Variants in SKAP1 observed in about 807,000 individuals in gnomAD.
SKAP1 encodes the protein src kinase-associated phosphoprotein 1.
In SKAP1, 44 loss-of-function variants were observed where a neutral mutation model predicts 58.5. The ratio of observed to expected loss-of-function variants is 0.75; its 90% CI spans 0.59 to 0.97. The LOEUF (loss-of-function observed/expected upper bound fraction) is 0.97, where lower values mean the gene tolerates loss of function less well. SKAP1 is among the 50% of genes least tolerant of loss of function. The pLI is 0.00. For missense variants in SKAP1, 390 were observed against 435.2 expected (o/e 0.90, Z 0.92); for synonymous variants, 127 against 149.7 (o/e 0.85, Z 1.11).
intron 1 of SKAP1, among the ~76,000 whole-genome samples, chr17:48,426,224 A>G (rs1348912056): frequency 6.6e-6 from 1 of 152,264 alleles, no homozygotes; most frequent in Non-Finnish European, 1.5e-5. Flanking sequence ...CTTTACAAGG[A>G]AGTTTAAAAA....
At chr17:48,367,454 C>T (rs1482194650) in intron 2 of SKAP1, among the ~76,000 whole-genome samples, 2 of 148,254 alleles carry the variant, frequency 1.3e-5, no homozygotes, top group Non-Finnish European at 3.0e-5. Flanking sequence ...CCATGTAAGC[C>T]ATGTAAGGTG....
intron 4 of SKAP1, among the ~76,000 whole-genome samples, chr17:48,312,961 C>T (rs2066240780): frequency 6.6e-6 from 1 of 152,000 alleles, no homozygotes; most frequent in Non-Finnish European, 1.5e-5. Flanking sequence ...AATATAATAC[C>T]AGAGGTTTTC....
At chr17:48,350,955 C>G (rs1165015023) in intron 3 of SKAP1, among the ~76,000 whole-genome samples, 1 of 152,128 alleles carries the variant, frequency 6.6e-6, no homozygotes, top group Non-Finnish European at 1.5e-5. Flanking sequence ...GCTCCCTGAT[C>G]CAAGTCCAGT....
At chr17:48,248,022 T>C (rs2065316030) in intron 4 of SKAP1, among the ~76,000 whole-genome samples, 1 of 152,208 alleles carries the variant, frequency 6.6e-6, no homozygotes, top group African/African-American at 2.4e-5. Context: ...TCTTTCATTG[T>C]AGGCACTCAA....
intron 4 of SKAP1, among the ~76,000 whole-genome samples, chr17:48,272,610 C>T (rs2084685875): frequency 6.6e-6 from 1 of 152,010 alleles, no homozygotes; most frequent in African/African-American, 2.4e-5. Flanking sequence ...GGTTGGAGTG[C>T]AGCAGTGCGA....
intron 4 of SKAP1, among the ~76,000 whole-genome samples, chr17:48,339,025 C>T (rs937060524): frequency 1.3e-5 from 2 of 152,178 alleles, no homozygotes; most frequent in Non-Finnish European, 2.9e-5. Flanking sequence ...ATCTGATGGA[C>T]TCACCTAAAG....
At chr17:48,221,196 G>C (rs998784884) in intron 4 of SKAP1, among the ~76,000 whole-genome samples, 1 of 152,042 alleles carries the variant, frequency 6.6e-6, no homozygotes, top group Non-Finnish European at 1.5e-5. Flanking sequence ...GAACCTGGGA[G>C]GTGGAGGTTG....
At chr17:48,369,424 G>T (rs980377555) in intron 2 of SKAP1, among the ~76,000 whole-genome samples, 1 of 150,404 alleles carries the variant, frequency 6.6e-6, no homozygotes, top group Non-Finnish European at 1.5e-5. Flanking sequence ...CTGCGAGGTT[G>T]AGGCTACAGT....
At chr17:48,217,427 G>C (rs1351779961) in intron 4 of SKAP1, among the ~76,000 whole-genome samples, 1 of 152,200 alleles carries the variant, frequency 6.6e-6, no homozygotes, top group African/African-American at 2.4e-5. Context: ...TGGGTGGATT[G>C]CTTGAGCTCA....
chr17:48,282,756 G>A (rs1305428331), intron 4 of SKAP1, among the ~76,000 whole-genome samples: 1 of 151,606 alleles, frequency 6.6e-6, no homozygotes, highest in African/African-American at 2.4e-5. Context: ...CTGCCTCAGT[G>A]ACAGAGCAAG....
intron 4 of SKAP1, among the ~76,000 whole-genome samples, chr17:48,256,175 ATGTG>A (rs35261737): frequency 6.7e-6 from 1 of 149,752 alleles, no homozygotes; most frequent in East Asian, 1.9e-4. Flanking sequence ...GTTTACCAAA[ATGTG>A]TGTGTGTGTG....
intron 4 of SKAP1, among the ~76,000 whole-genome samples, chr17:48,197,806 G>A (rs916512556): frequency 7.2e-5 from 11 of 152,228 alleles, no homozygotes; most frequent in African/African-American, 2.7e-4. Flanking sequence ...GAAACCATGA[G>A]TATTCATGGA....
chr17:48,144,548 G>A (rs1292071170), intron 11 of SKAP1, among the ~76,000 whole-genome samples: 3 of 152,106 alleles, frequency 2.0e-5, no homozygotes, highest in Admixed American at 6.6e-5. Flanking sequence ...TTAAGCCCTC[G>A]TTTCCAAGTG....
intron 3 of SKAP1, among the ~76,000 whole-genome samples, chr17:48,354,854 G>C (rs753695765): frequency 5.3e-5 from 8 of 151,896 alleles, no homozygotes; most frequent in Non-Finnish European, 1.2e-4. Context: ...TCACAAAAAA[G>C]TTTTAAGCAA....
Position 48,221,239 on chromosome 17 carries a change from C to G in SKAP1, c.281-31739G>C, listed in dbSNP as rs372670831. On this transcript the variant is annotated intron_variant, in intron 4 of 12. Transcript: ENST00000336915. Reference sequence around the variant, plus strand: ...CCAAGATTGCACCACTGCACTCCAGCCTGGGTGACAGAGTGAGACTCTGTC... The same window carrying G: ...CCAAGATTGCACCACTGCACTCCAGGCTGGGTGACAGAGTGAGACTCTGTC... 8.4e-4 allele frequency among the ~76,000 whole-genome samples: 128 copies of G among 152,112 alleles called. 1 individual carries two copies. The South Asian group carries it at 0.025, about 30-fold the overall frequency.
At chr17:48,388,196 G>T (rs1160433132) in intron 2 of SKAP1, among the ~76,000 whole-genome samples, 1 of 152,108 alleles carries the variant, frequency 6.6e-6, no homozygotes, top group Admixed American at 6.6e-5. Flanking sequence ...AGCACTTTGG[G>T]ATGCCGAGGC....
rs79494666 is a variant in SKAP1 at position 48,181,281 on chromosome 17, T to G, written c.632-1033A>C. Among the ~76,000 whole-genome samples the G allele has an allele frequency of 2.7e-3, 406 of 152,324 alleles. 1 individual carries two copies. The highest frequency in any genetic ancestry group is 9.1e-3 in the African/African-American group (379 of 41,582). On this transcript the variant is annotated intron_variant, in intron 8 of 12. Coordinates refer to ENST00000336915, the MANE Select transcript of SKAP1 (RefSeq NM_003726.4). ...TTAAAATAAAATGGAATGAATAATT[T>G]CTTCAATGTGGGATTCTGAAAGTAC...
intron 5 of SKAP1, among the ~76,000 whole-genome samples, chr17:48,189,066 C>T (rs570812689): frequency 1.3e-5 from 2 of 152,276 alleles, no homozygotes; most frequent in South Asian, 2.1e-4. Context: ...GACTGCTTCA[C>T]ATATGATACA....
At chr17:48,287,378 A>C (rs2065844067) in intron 4 of SKAP1, among the ~76,000 whole-genome samples, 1 of 152,056 alleles carries the variant, frequency 6.6e-6, no homozygotes, top group South Asian at 2.1e-4. Context: ...TTTTAGTAGA[A>C]CCAAAGGTAA....
Sources: allele counts gnomAD v4.1 joint callset (sites outside exome capture counted in the v4.1 genomes callset), GRCh38; gene constraint gnomAD v4.1.1; transcripts MANE v1.5; gene names NCBI Gene and HGNC (gene_info 2026-07-23, HGNC 2026-07-21).